TMEFF2: variants seen among roughly 807,000 people sequenced by gnomAD.
TMEFF2 encodes the protein tomoregulin-2.
Under a neutral mutation model 53.8 loss-of-function variants are expected in TMEFF2, and 28 were observed. The observed-to-expected ratio is 0.52, with a 90% CI of 0.39 to 0.71. The LOEUF (loss-of-function observed/expected upper bound fraction) is 0.71. Among genes scored for constraint, TMEFF2 ranks in the 30% least tolerant of loss-of-function variants. The probability of loss-of-function intolerance (pLI) is 0.00; values close to 1 mark genes in which losing one functional copy is unlikely to be tolerated. For missense variants in TMEFF2, 353 were observed against 455.2 expected (o/e 0.78, Z 2.04); for synonymous variants, 162 against 166.3 (o/e 0.97, Z 0.20).
At chr2:191,972,412 C>G (rs950527676) in intron 7 of TMEFF2, among the ~76,000 whole-genome samples, 4 of 150,546 alleles carry the variant, frequency 2.7e-5, no homozygotes, top group African/African-American at 9.8e-5. Context: ...ATCTGCCCAC[C>G]TCGGCCTCCC....
chr2:192,109,286 A>G (rs907921877), intron 4 of TMEFF2, among the ~76,000 whole-genome samples: 2 of 152,088 alleles, frequency 1.3e-5, no homozygotes, highest in African/African-American at 2.4e-5. Flanking sequence ...TTGATTTTTA[A>G]AAAATCAGCA....
At chr2:191,956,088 G>GTGAATGCTTGTA (rs1559059418) in intron 8 of TMEFF2, among the ~76,000 whole-genome samples, 167 bp downstream of exon 8, 1 of 151,746 alleles carries the variant, frequency 6.6e-6, no homozygotes, top group Admixed American at 6.6e-5. Flanking sequence ...TTTTTAGTGT[G>GTGAATGCTTGTA]TGAGTATGTG....
intron 2 of TMEFF2, among the ~76,000 whole-genome samples, chr2:192,190,412 AC>A (rs1408139508): frequency 6.6e-6 from 1 of 152,178 alleles, no homozygotes; most frequent in Non-Finnish European, 1.5e-5. Flanking sequence ...GATTTATCCA[AC>A]TGTGCTTTTT....
At chr2:192,162,527 G>A (rs1690659464) in intron 4 of TMEFF2, among the ~76,000 whole-genome samples, 1 of 151,980 alleles carries the variant, frequency 6.6e-6, no homozygotes, top group South Asian at 2.1e-4. Context: ...ATCTTTGTTG[G>A]CTTTAGAGTT....
intron 5 of TMEFF2, among the ~76,000 whole-genome samples, chr2:192,018,871 C>T (rs1686798895): frequency 6.7e-6 from 1 of 150,172 alleles, no homozygotes; most frequent in Admixed American, 6.7e-5. Flanking sequence ...ATGTAGTAGC[C>T]AGGATATGCT....
chr2:192,135,455 T>C (rs914495616), intron 4 of TMEFF2, among the ~76,000 whole-genome samples: 6 of 152,142 alleles, frequency 3.9e-5, no homozygotes, highest in African/African-American at 1.4e-4. Flanking sequence ...TAATTCTAAA[T>C]GACAAATGTT....
At chr2:192,131,826 A>G (rs1689839855) in intron 4 of TMEFF2, among the ~76,000 whole-genome samples, 1 of 152,110 alleles carries the variant, frequency 6.6e-6, no homozygotes, top group Admixed American at 6.5e-5. Flanking sequence ...TGACCCCAAT[A>G]CAAACTCGAC....
chr2:192,149,816 T>C (rs79159518), intron 4 of TMEFF2, among the ~76,000 whole-genome samples: 2 of 152,012 alleles, frequency 1.3e-5, no homozygotes, highest in Non-Finnish European at 2.9e-5. Context: ...CATATTTTCA[T>C]ACAATTTCTT....
chr2:192,100,858 T>A (rs190015508), intron 4 of TMEFF2, among the ~76,000 whole-genome samples: 24 of 152,306 alleles, frequency 1.6e-4, no homozygotes, highest in African/African-American at 5.5e-4. Context: ...CAGGAGTGTA[T>A]ACCATCACAA....
intron 4 of TMEFF2, among the ~76,000 whole-genome samples, chr2:192,158,957 G>A (rs761911197): frequency 3.2e-4 from 48 of 151,950 alleles, no homozygotes; most frequent in Non-Finnish European, 6.2e-4. Context: ...AGGGTCGAGC[G>A]ATCATTTTTT....
rs1326334322 is a variant in TMEFF2 at position 192,188,873 on chromosome 2, ATCTATCTATCTG to A, written c.282+2995_282+3006del. ...TATCTATCTATCTATCTATCTATCT[ATCTATCTATCTG>A]TCCATCTACTGTCTCCAAATTTTCA... On this transcript the variant is annotated intron_variant, in intron 2 of 9. Coordinates refer to ENST00000272771, the MANE Select transcript of TMEFF2 (RefSeq NM_016192.4). Among the ~76,000 whole-genome samples, 568 of 141,270 alleles carry A rather than the reference ATCTATCTATCTG, an allele frequency of 4.0e-3. 2 individuals carry two copies. Among genetic ancestry groups the A allele is most frequent in the South Asian group, 5.8e-3 (26 of 4,486 alleles). 92.7% of individuals were successfully genotyped at this position (141,270 alleles called of 152,430 possible). A position where few individuals can be genotyped will look rare whatever the true frequency, so the allele number is the denominator to read the frequency against.
chr2:192,112,727 C>T (rs568408909), intron 4 of TMEFF2, among the ~76,000 whole-genome samples: 224 of 152,214 alleles, frequency 1.5e-3, no homozygotes, highest in African/African-American at 5.0e-3. Context: ...ATTGTACCTC[C>T]TGTAATTCTC....
chr2:192,150,052 T>C (rs182420945), intron 4 of TMEFF2, among the ~76,000 whole-genome samples: 1 of 152,040 alleles, frequency 6.6e-6, no homozygotes, highest in Admixed American at 6.6e-5. Flanking sequence ...CTGATATTAA[T>C]AAGTTCCACT....
intron 4 of TMEFF2, among the ~76,000 whole-genome samples, chr2:192,109,927 T>C (rs910650983): frequency 1.3e-5 from 2 of 152,090 alleles, no homozygotes; most frequent in African/African-American, 2.4e-5. Context: ...GAAGATTCCA[T>C]TGGCATATAG....
chr2:192,194,634 C>CGGCGGT lies in TMEFF2; in HGVS notation c.-116_-111dup, dbSNP rs1691561605. ...CCGCGGACGGCGGCAGCAGAGGCGG[C>CGGCGGT]GGCGGTGGCAGTGGCACCCGGCGGG... On this transcript the variant is annotated 5_prime_UTR_variant, in exon 1 of 10. Transcript: ENST00000272771. The surrounding 1 kb of genome is among the most constrained non-coding windows in gnomAD (Gnocchi z 4.2). 4.5e-6 allele frequency: 6 copies of CGGCGGT among 1,321,172 alleles called. No individual in the cohort carries two copies. Among genetic ancestry groups the CGGCGGT allele is most frequent in the Middle Eastern group, 2.7e-4 (1 of 3,678 alleles). The allele number at this position is 1,321,172 out of a possible 1,614,324, so 81.8% of individuals were successfully genotyped here.
At chr2:192,088,891 T>A (rs1261940015) in intron 4 of TMEFF2, among the ~76,000 whole-genome samples, 1 of 152,150 alleles carries the variant, frequency 6.6e-6, no homozygotes, top group Non-Finnish European at 1.5e-5. Context: ...AATAATTTAA[T>A]CTGCCTAGCT....
chr2:192,149,763 G>A (rs1690340156), intron 4 of TMEFF2, among the ~76,000 whole-genome samples: 1 of 151,918 alleles, frequency 6.6e-6, no homozygotes, highest in African/African-American at 2.4e-5. Context: ...ACATTCTAAA[G>A]ACAGAAGAGT....
At chr2:191,996,403 T>C (rs1345389457) in intron 7 of TMEFF2, among the ~76,000 whole-genome samples, 1 of 151,830 alleles carries the variant, frequency 6.6e-6, no homozygotes, top group East Asian at 1.9e-4. Context: ...GTTTGCAAAA[T>C]AGGAGTAAAG....
intron 4 of TMEFF2, among the ~76,000 whole-genome samples, chr2:192,129,630 A>G (rs1002270672): frequency 7.9e-5 from 12 of 152,198 alleles, no homozygotes; most frequent in African/African-American, 2.2e-4. Flanking sequence ...AATTAAGGAA[A>G]TGCCATATTT....
Sources: gnomAD v4.1 joint callset for allele counts (sites outside exome capture counted in the v4.1 genomes callset) on GRCh38, gnomAD v4.1.1 for gene constraint, Gnocchi (gnomAD v3.1) non-coding constraint, MANE v1.5 for transcripts, NCBI Gene and HGNC (gene_info 2026-07-23, HGNC 2026-07-21) for gene names.